Variants in LAMB3 observed in about 807,000 individuals in gnomAD.
The protein encoded by LAMB3 is laminin subunit beta-3.
Under a neutral mutation model 140.3 loss-of-function variants are expected in LAMB3, and 104 were observed. That is an observed-to-expected ratio of 0.74 (90% CI 0.63 to 0.87). LAMB3 has a LOEUF of 0.87. LAMB3 is among the 40% of genes least tolerant of loss of function. The probability of loss-of-function intolerance (pLI) is 0.00; values close to 1 mark genes in which losing one functional copy is unlikely to be tolerated. For synonymous variants in LAMB3, 592 were observed against 602.9 expected, an observed-to-expected ratio of 0.98 and a Z score of 0.26; for missense variants, 1,531 against 1,575.2, an observed-to-expected ratio of 0.97 and a Z score of 0.47.
At chr1:209,641,880 A>G (rs973472650) in intron 3 of LAMB3, among the ~76,000 whole-genome samples, 37 of 152,340 alleles carry the variant, frequency 2.4e-4, no homozygotes, top group African/African-American at 8.7e-4. Context: ...CCTCTCAGGA[A>G]CAAACTTTTC....
intron 3 of LAMB3, among the ~76,000 whole-genome samples, chr1:209,647,966 T>G (rs552895889): frequency 6.6e-6 from 1 of 152,164 alleles, no homozygotes; most frequent in Non-Finnish European, 1.5e-5. Flanking sequence ...AAAACTGAAA[T>G]TAGAACTCAG....
intron 5 of LAMB3, among the ~76,000 whole-genome samples, chr1:209,637,254 C>A (rs1666924703): frequency 6.6e-6 from 1 of 152,132 alleles, no homozygotes; most frequent in South Asian, 2.1e-4. Context: ...CATTTTAACT[C>A]CTGAAAATTA....
intron 13 of LAMB3, 61 bp downstream of exon 13, chr1:209,626,806 T>C (rs1666473179): frequency 4.8e-6 from 6 of 1,246,710 alleles, no homozygotes; most frequent in Admixed American, 1.7e-5. Flanking sequence ...GCCCCCACCA[T>C]GTGCCCACCC....
Position 209,625,767 on chromosome 1 carries a change from G to A in LAMB3, c.1857C>T (p.Gly619=). 1.2e-6 allele frequency: 2 copies of A among 1,614,156 alleles called. No homozygotes were observed. Among genetic ancestry groups the A allele is most frequent in the Non-Finnish European group, 1.7e-6 (2 of 1,180,042 alleles). ...LWSGPGLEDR[G]LASRILDAKS... ...TTGCATCTAGGATCCGGGAGGCCAG[G>A]CCACGGTCCTCCAGCCCAGGCCCTG... Residue 619 remains glycine (G), a synonymous_variant, in exon 14 of 23, where the codon GGC becomes GGT. Coordinates refer to ENST00000356082, the MANE Select transcript of LAMB3 (RefSeq NM_000228.3).
At position 209,637,802 on chromosome 1, in the gene LAMB3, T is replaced by C. The variant is rs1205772578; in HGVS notation, c.372+106A>G. ...CACCATGATATAGGCTCATGGTGAG[T>C]GTTGCCCCAACCCAGAGAGACAAGG... is the stretch of plus-strand genomic sequence containing the variant. On this transcript the variant is annotated intron_variant, in intron 5 of 22. Transcript: ENST00000356082. The C allele has an allele frequency of 8.9e-6, 8 of 897,020 alleles. No individual in the cohort carries two copies. The East Asian group carries it at 2.1e-4, about 24-fold the overall frequency. The allele number at this position is 897,020 out of a possible 1,614,324, so 55.6% of individuals were successfully genotyped here. A position where few individuals can be genotyped will look rare whatever the true frequency, so the allele number is the denominator to read the frequency against.
In LAMB3 at chr1:209,624,018, C is replaced by T. The variant is rs1344477543; in HGVS notation, c.1977-18G>A. On this transcript the variant is annotated intron_variant, in intron 14 of 22. Coordinates refer to ENST00000356082, the MANE Select transcript of LAMB3 (RefSeq NM_000228.3). The stretch of plus-strand genomic sequence containing the variant: ...GAGTTCGCCTGAGAAGGGAGAGGAG[C>T]TTACACTAAAATATAGGAGGGAGTT... 2 of 1,608,876 alleles carry T rather than the reference C, an allele frequency of 1.2e-6. No homozygotes were observed. Among genetic ancestry groups the T allele is most frequent in the South Asian group, 1.1e-5 (1 of 91,008 alleles).
intron 14 of LAMB3, among the ~76,000 whole-genome samples, chr1:209,624,974 A>G (rs1488192209): frequency 1.3e-5 from 2 of 150,584 alleles, no homozygotes; most frequent in South Asian, 4.3e-4. Context: ...AAAAGAAGGA[A>G]AAGAAGGAAG....
At chr1:209,641,345 A>C (rs190232069) in intron 3 of LAMB3, among the ~76,000 whole-genome samples, 60 of 152,302 alleles carry the variant, frequency 3.9e-4, no homozygotes, top group African/African-American at 1.3e-3. Flanking sequence ...GTTTCAATGC[A>C]ATAACCTACT....
intron 3 of LAMB3, among the ~76,000 whole-genome samples, chr1:209,647,883 G>A (rs2102462631): frequency 6.6e-6 from 1 of 152,314 alleles, no homozygotes; most frequent in East Asian, 1.9e-4. Flanking sequence ...CTCTTAATAT[G>A]ATGCCAAAGA....
rs774469551 is a variant in LAMB3, at chr1:209,623,855, T to G, written c.2122A>C (p.Ser708Arg). ...CTCTCCTCACCTGAAGGATCAGCAC[T>G]GCTTATTTTTTCAAACTGCTCCCTC... The part of the protein sequence containing the change: ...RKREQFEKIS[S>R]ADPSGAFRML... The change falls in exon 15 of 23, where the codon AGT becomes CGT. Residue 708 changes from serine (S) to arginine (R), a missense_variant. Physicochemically the swap from Ser to Arg is moderately radical, Grantham distance 110. Coordinates refer to ENST00000356082, the MANE Select transcript of LAMB3 (RefSeq NM_000228.3). This position sits in a 1 kb window ranked among gnomAD's most constrained non-coding sequence, Gnocchi z 4.2. 6.2e-7 allele frequency: 1 copy of G among 1,614,196 alleles called. No homozygotes were observed. The highest frequency in any genetic ancestry group is 1.1e-5 in the South Asian group (1 of 91,082).
intron 3 of LAMB3, among the ~76,000 whole-genome samples, chr1:209,640,099 C>T (rs2076454689): frequency 6.6e-6 from 1 of 152,224 alleles, no homozygotes; most frequent in Admixed American, 6.5e-5. Flanking sequence ...GCTTCCCACT[C>T]CACTTTCCAG....
At chr1:209,641,885 C>T (rs920430721) in intron 3 of LAMB3, among the ~76,000 whole-genome samples, 2 of 152,198 alleles carry the variant, frequency 1.3e-5, no homozygotes, top group African/African-American at 4.8e-5. Context: ...CAGGAACAAA[C>T]TTTTCCACTC....
chr1:209,627,525 C>T lies in LAMB3; in HGVS notation c.1343G>A (p.Ser448Asn), dbSNP rs763698625. ...SRRDMPCDEE[S>N]GRCLCLPNVV... ...GTTGGGCAGACAAAGGCAGCGCCCA[C>T]TCTCCTCGTCACACGGCATGTCCCT... The change falls in exon 12 of 23, where the codon AGT (serine) becomes AAT (asparagine). Residue 448 changes from serine (S) to asparagine (N), a missense_variant. Transcript: ENST00000356082. 19 of 1,613,998 alleles carry T rather than the reference C, an allele frequency of 1.2e-5. No individual in the cohort carries two copies. Among genetic ancestry groups the T allele is most frequent in the Non-Finnish European group, 1.0e-5 (12 of 1,180,038 alleles).
chr1:209,624,612 C>T (rs1666347494), intron 14 of LAMB3, among the ~76,000 whole-genome samples: 1 of 152,198 alleles, frequency 6.6e-6, no homozygotes, highest in Admixed American at 6.5e-5. Flanking sequence ...CATGGAATGC[C>T]CCTCCATGCC....
chr1:209,633,321 G>A (rs777273498), intron 6 of LAMB3, among the ~76,000 whole-genome samples, 188 bp from the exon 7 acceptor site: 4 of 151,180 alleles, frequency 2.6e-5, no homozygotes, highest in South Asian at 2.1e-4. Context: ...GGCCCTAAAC[G>A]TGTGTGTGTG....
At position 209,622,572 on chromosome 1, in the gene LAMB3, G is replaced by A. The variant is rs201003237; in HGVS notation, c.2665C>T (p.Arg889Trp). 2.9e-5 allele frequency: 46 copies of A among 1,613,990 alleles called. No homozygotes were observed. The highest frequency in any genetic ancestry group is 2.2e-4 in the East Asian group (10 of 44,874). ...SQMEEDVRRT[R>W]LLIQQVRDFL... ...TCCCGGACCTGCTGGATTAGGAGCC[G>A]TGTGCGTCTGACATCTTCCTCCATC... Residue 889 changes from arginine to tryptophan, a missense_variant, in exon 18 of 23, where the codon CGG (arginine) becomes TGG (tryptophan). Transcript: ENST00000356082.
rs368544645 is a variant in LAMB3, at chr1:209,650,874, C to T, written c.28+43G>A. On this transcript the variant is annotated intron_variant, in intron 2 of 22. Transcript: ENST00000356082. ...CCTTCTCCCTGTGGCTGTTGCCTCCCTGCCATATAACAGGGCCTGGAAGGA... is the reference window on the plus strand; with the variant it reads ...CCTTCTCCCTGTGGCTGTTGCCTCCTTGCCATATAACAGGGCCTGGAAGGA... 4 of 1,601,666 alleles carry T rather than the reference C, an allele frequency of 2.5e-6. 1 individual carries two copies. The highest frequency in any genetic ancestry group is 1.3e-5 in the African/African-American group (1 of 74,654).
chr1:209,617,351 T>G (rs1400986901), intron 21 of LAMB3, 59 bp downstream of exon 21: 1 of 1,556,656 alleles, frequency 6.4e-7, no homozygotes, highest in Non-Finnish European at 8.8e-7. Flanking sequence ...AAAGTCCTCC[T>G]CTGCTCAGGA....
intron 3 of LAMB3, among the ~76,000 whole-genome samples, chr1:209,647,436 C>T (rs1647476812): frequency 6.6e-6 from 1 of 152,162 alleles, no homozygotes; most frequent in Admixed American, 6.6e-5. Flanking sequence ...GCAGAAATGT[C>T]CAGGGGTCAT....
Sources: gnomAD v4.1 joint callset for allele counts (sites outside exome capture counted in the v4.1 genomes callset) on GRCh38, gnomAD v4.1.1 for gene constraint, Gnocchi (gnomAD v3.1) non-coding constraint, MANE v1.5 for transcripts, NCBI Gene and HGNC (gene_info 2026-07-23, HGNC 2026-07-21) for gene names.